Variants in RPL38 observed in about 807,000 individuals in gnomAD.
The protein encoded by RPL38 is ribosomal protein L38, also known as large ribosomal subunit protein eL38.
Under a neutral mutation model 12.8 loss-of-function variants are expected in RPL38, and 2 were observed. The observed-to-expected ratio is 0.16, with a 90% CI of 0.06 to 0.49. RPL38 has a LOEUF of 0.49. Among genes scored for constraint, RPL38 ranks in the 20% least tolerant of loss-of-function variants. The pLI, the probability that RPL38 is intolerant of heterozygous loss-of-function variation, is 0.96. For missense variants in RPL38, 52 were observed against 79.8 expected (o/e 0.65, Z 1.33); for synonymous variants, 42 against 30.1 (o/e 1.39, Z -1.29).
intron 3 of RPL38, among the ~76,000 whole-genome samples, chr17:74,207,164 A>G (rs1251573877): frequency 6.6e-6 from 1 of 152,004 alleles, no homozygotes; most frequent in Non-Finnish European, 1.5e-5. Context: ...GGCATGCGCC[A>G]CCACACCTGG....
In RPL38 at chr17:74,210,506, G is replaced by A. The variant is rs1292549642; in HGVS notation, c.*677G>A. 6.6e-6 allele frequency: 1 copy of A among 152,334 alleles called. No homozygotes were observed. The highest frequency in any genetic ancestry group is 1.5e-5 in the Non-Finnish European group (1 of 68,120). 9.4% of individuals were successfully genotyped at this position (152,334 alleles called of 1,614,324 possible). A position where few individuals can be genotyped will look rare whatever the true frequency, so the allele number is the denominator to read the frequency against. ...TGCCTGTTTCCTCAGTTGGAAAATA[G>A]CCATATTAACACCTCTTTCATTGGC... On this transcript the variant is annotated 3_prime_UTR_variant, in exon 5 of 5. Transcript: ENST00000311111.
intron 3 of RPL38, among the ~76,000 whole-genome samples, chr17:74,206,929 G>T (rs527884209): frequency 6.6e-6 from 1 of 151,462 alleles, no homozygotes; most frequent in Admixed American, 6.6e-5. Flanking sequence ...AGTGAGCCAG[G>T]ATGGTCTCTA....
intron 3 of RPL38, chr17:74,205,882 T>C (rs2050109068): frequency 6.6e-6 from 1 of 152,082 alleles, no homozygotes; most frequent in Non-Finnish European, 1.5e-5. Context: ...TAGCCAGGCA[T>C]GGTGGCACAC....
At chr17:74,203,991 G>A (rs780165074) in intron 2 of RPL38, 33 bp downstream of exon 2, 2 of 1,612,994 alleles carry the variant, frequency 1.2e-6, no homozygotes, top group East Asian at 2.2e-5. Flanking sequence ...GCCTTCCCGG[G>A]GTGGGCTCGT....
At chr17:74,208,771 T>A (rs958524246) in intron 3 of RPL38, among the ~76,000 whole-genome samples, 4 of 152,026 alleles carry the variant, frequency 2.6e-5, no homozygotes, top group Admixed American at 2.6e-4. Flanking sequence ...CCATCTCTAC[T>A]AAAAATACAA....
chr17:74,205,712 G>A (rs1011713022), intron 3 of RPL38: 4 of 152,302 alleles, frequency 2.6e-5, no homozygotes, highest in African/African-American at 7.2e-5. Context: ...CGACACCACC[G>A]TTTGATTGTG....
intron 2 of RPL38, 33 bp from the exon 3 acceptor site, chr17:74,204,097 C>A (rs142951724): frequency 2.5e-6 from 4 of 1,613,696 alleles, no homozygotes; most frequent in Non-Finnish European, 3.4e-6. Context: ...GTGTCTCTTT[C>A]CTCTCTGTTC....
At chr17:74,206,137 TATTA>T (rs1477394782) in intron 3 of RPL38, 1 of 152,208 alleles carries the variant, frequency 6.6e-6, no homozygotes, top group East Asian at 1.9e-4. Context: ...AAAATGGTTG[TATTA>T]ATTTTTAACG....
At chr17:74,209,161 T>G (rs760013334) in intron 3 of RPL38, 26 bp from the exon 4 acceptor site, 1 of 1,611,942 alleles carries the variant, frequency 6.2e-7, no homozygotes, top group Non-Finnish European at 8.5e-7. Flanking sequence ...TGATACAATT[T>G]AATTCCTGAT....
Position 74,209,978 on chromosome 17 carries a change from CTTTTT to C in RPL38, c.*164_*168del, listed in dbSNP as rs58720199. ...GGGTTCTGTTGCTGCCTTCCTGTGT[CTTTTT>C]TTTTTTTTTTTTTTCTTTCTTTGAG... is the stretch of plus-strand genomic sequence containing the variant. On this transcript the variant is annotated 3_prime_UTR_variant, in exon 5 of 5. Coordinates refer to ENST00000311111, the MANE Select transcript of RPL38 (RefSeq NM_000999.4). 150 of 357,092 alleles carry C rather than the reference CTTTTT, an allele frequency of 4.2e-4. No individual in the cohort carries two copies. Among genetic ancestry groups the C allele is most frequent in the Middle Eastern group, 1.1e-3 (2 of 1,786 alleles). The allele number at this position is 357,092 out of a possible 1,614,324, so 22.1% of individuals were successfully genotyped here. A position where few individuals can be genotyped will look rare whatever the true frequency, so the allele number is the denominator to read the frequency against.
At chr17:74,204,271 G>T in intron 3 of RPL38, 81 bp downstream of exon 3, 1 of 1,318,110 alleles carries the variant, frequency 7.6e-7, no homozygotes, top group Non-Finnish European at 1.1e-6. Flanking sequence ...GGAATGTCAG[G>T]CAGGAGACGG....
intron 3 of RPL38, among the ~76,000 whole-genome samples, chr17:74,208,958 A>G (rs1287565791): frequency 6.6e-6 from 1 of 152,166 alleles, no homozygotes; most frequent in Non-Finnish European, 1.5e-5. Context: ...GAAATAAGAA[A>G]GATAATAAGG....
chr17:74,203,884 G>A (rs1013227506), intron 1 of RPL38, 34 bp from the exon 2 acceptor site: 276 of 1,531,334 alleles, frequency 1.8e-4, no homozygotes, highest in Admixed American at 3.1e-4. Context: ...GCCAGCCCCC[G>A]CGCCGTGTTA....
chr17:74,204,384 A>G (rs1461792568), intron 3 of RPL38, 194 bp downstream of exon 3: 3 of 596,096 alleles, frequency 5.0e-6, no homozygotes, highest in Non-Finnish European at 9.0e-6. Flanking sequence ...TGGAATTTCT[A>G]GGACCATCTT....
chr17:74,205,849 A>T (rs1183952694), intron 3 of RPL38: 1 of 152,070 alleles, frequency 6.6e-6, no homozygotes, highest in Non-Finnish European at 1.5e-5. Flanking sequence ...GCAAAACCCC[A>T]TTTCTACTAA....
At chr17:74,206,191 T>TA (rs2143688444) in intron 3 of RPL38, 1 of 152,218 alleles carries the variant, frequency 6.6e-6, no homozygotes, top group Admixed American at 6.5e-5. Context: ...TTACACTGGG[T>TA]ATGGTGGTTC....
rs1461714057 is a variant in RPL38 at position 74,203,752 on chromosome 17, T to G, written c.-39+7T>G. On this transcript the variant is annotated splice_region_variant and intron_variant, in intron 1 of 4. Coordinates refer to ENST00000311111, the MANE Select transcript of RPL38 (RefSeq NM_000999.4). ...TGATACGTGGGTGAGAAAGGTAATC[T>G]GGGGCAATCCACTGCCAGGTGAAAT... The G allele has an allele frequency of 3.2e-6, 2 of 623,250 alleles. No individual in the cohort carries two copies. Among genetic ancestry groups the G allele is most frequent in the East Asian group, 2.8e-5 (1 of 36,238 alleles). 38.6% of individuals were successfully genotyped at this position (623,250 alleles called of 1,614,324 possible).
intron 3 of RPL38, among the ~76,000 whole-genome samples, chr17:74,207,218 A>G (rs1473174714): frequency 1.3e-5 from 2 of 152,082 alleles, no homozygotes; most frequent in African/African-American, 4.8e-5. Context: ...TGGCCAGGCT[A>G]GTCTCCAACT....
chr17:74,204,388 C>T lies in RPL38; in HGVS notation c.64+198C>T, dbSNP rs1396131515. Reference sequence around the variant, plus strand: ...CGTTGAGGCCCTGGAATTTCTAGGACCATCTTTAGCTAATCGCGATCATCT... The same window carrying T: ...CGTTGAGGCCCTGGAATTTCTAGGATCATCTTTAGCTAATCGCGATCATCT... On this transcript the variant is annotated intron_variant, in intron 3 of 4. Transcript: ENST00000311111. 6 of 589,948 alleles carry T rather than the reference C, an allele frequency of 1.0e-5. No individual in the cohort carries two copies. In the Admixed American group the frequency reaches 1.8e-4, roughly 18 times the overall value. The allele number at this position is 589,948 out of a possible 1,614,324, so 36.5% of individuals were successfully genotyped here. A position where few individuals can be genotyped will look rare whatever the true frequency, so the allele number is the denominator to read the frequency against.
Sources: allele counts gnomAD v4.1 joint callset (sites outside exome capture counted in the v4.1 genomes callset), GRCh38; gene constraint gnomAD v4.1.1; transcripts MANE v1.5; gene names NCBI Gene and HGNC (gene_info 2026-07-23, HGNC 2026-07-21).